Variants in RSPO2 observed in about 807,000 individuals in gnomAD.
The protein encoded by RSPO2 is R-spondin-2.
A neutral mutation model predicts 30.9 loss-of-function variants in RSPO2; 14 were observed. The observed-to-expected ratio is 0.45, with a 90% CI of 0.30 to 0.71. The LOEUF is 0.71. RSPO2 is among the 30% of genes least tolerant of loss of function. The probability of loss-of-function intolerance (pLI) is 0.08; values close to 1 mark genes in which losing one functional copy is unlikely to be tolerated. For missense variants in RSPO2, 264 were observed against 301.9 expected (o/e 0.87, Z 0.93); for synonymous variants, 107 against 96.4 (o/e 1.11, Z -0.64).
At chr8:108,019,034 TAGA>T (rs770543366) in intron 2 of RSPO2, among the ~76,000 whole-genome samples, 2 of 152,210 alleles carry the variant, frequency 1.3e-5, no homozygotes, top group Non-Finnish European at 2.9e-5. Context: ...GCAAACTTGG[TAGA>T]AGATTATTTT....
chr8:107,922,975 A>C (rs1263692570), intron 5 of RSPO2, among the ~76,000 whole-genome samples: 2 of 152,170 alleles, frequency 1.3e-5, no homozygotes, highest in Admixed American at 1.3e-4. Flanking sequence ...AACTGCAAAA[A>C]CCCTGGAAGA....
chr8:108,019,823 A>G (rs1667238821), intron 2 of RSPO2, among the ~76,000 whole-genome samples: 1 of 152,120 alleles, frequency 6.6e-6, no homozygotes, highest in Non-Finnish European at 1.5e-5. Flanking sequence ...TTTTTTCCAA[A>G]TGTTCTTTAA....
chr8:107,903,345 T>A (rs1044329174), intron 5 of RSPO2, among the ~76,000 whole-genome samples: 3 of 152,116 alleles, frequency 2.0e-5, no homozygotes, highest in Non-Finnish European at 2.9e-5. Context: ...CTTTTCACAT[T>A]CACAAGAAAG....
chr8:107,953,705 T>G (rs1441034158), intron 5 of RSPO2, among the ~76,000 whole-genome samples: 3 of 152,178 alleles, frequency 2.0e-5, no homozygotes, highest in Non-Finnish European at 4.4e-5. Flanking sequence ...TAGTAACTTG[T>G]TAGGTATCAC....
At chr8:107,953,280 G>A (rs1455972806) in intron 5 of RSPO2, among the ~76,000 whole-genome samples, 1 of 152,162 alleles carries the variant, frequency 6.6e-6, no homozygotes, top group East Asian at 1.9e-4. Flanking sequence ...GTCTCCTCTA[G>A]AGGGCTGGCT....
At chr8:108,066,846 C>T (rs900959626) in intron 2 of RSPO2, among the ~76,000 whole-genome samples, 2 of 152,052 alleles carry the variant, frequency 1.3e-5, no homozygotes, top group African/African-American at 4.8e-5. Context: ...GGGCTGGTAC[C>T]ACATGAACCC....
At chr8:108,044,224 G>C (rs192856030) in intron 2 of RSPO2, among the ~76,000 whole-genome samples, 1 of 152,050 alleles carries the variant, frequency 6.6e-6, no homozygotes, top group Admixed American at 6.6e-5. Flanking sequence ...CTTTTCTGGG[G>C]AGAGGTTTTG....
At chr8:108,034,458 T>A (rs1371104248) in intron 2 of RSPO2, among the ~76,000 whole-genome samples, 1 of 152,188 alleles carries the variant, frequency 6.6e-6, no homozygotes, top group Non-Finnish European at 1.5e-5. Context: ...GAAGGAAGTA[T>A]GTTAGGATAA....
chr8:107,935,936 TATC>T (rs1812710680), intron 5 of RSPO2, among the ~76,000 whole-genome samples: 1 of 152,208 alleles, frequency 6.6e-6, no homozygotes, highest in Non-Finnish European at 1.5e-5. Flanking sequence ...CTTGAGTATT[TATC>T]ATTTCTATGC....
Position 107,958,070 on chromosome 8 carries a change from C to T in RSPO2, c.616+10G>A, listed in dbSNP as rs747315131. The T allele has an allele frequency of 1.3e-5, 21 of 1,604,046 alleles. No individual in the cohort carries two copies. In the East Asian group the frequency reaches 4.7e-4, roughly 36 times the overall value. The stretch of plus-strand genomic sequence containing the variant: ...ACACAGCACACAGTAGTGATTATAT[C>T]CACACCTACCTCCTGGACAATGCCT... On this transcript the variant is annotated intron_variant, in intron 5 of 5. Transcript: ENST00000276659.
intron 5 of RSPO2, 128 bp downstream of exon 5, chr8:107,957,950 CTT>C: frequency 1.9e-5 from 12 of 627,176 alleles, no homozygotes; most frequent in Non-Finnish European, 3.0e-5. Context: ...TACAACAAAA[CTT>C]TATCCCCTCA....
chr8:108,040,303 C>T (rs1811714450), intron 2 of RSPO2, among the ~76,000 whole-genome samples: 2 of 152,058 alleles, frequency 1.3e-5, no homozygotes, highest in Admixed American at 6.6e-5. Flanking sequence ...TATTGAAAAT[C>T]CCTTTTTTAA....
intron 5 of RSPO2, among the ~76,000 whole-genome samples, chr8:107,941,737 G>A (rs1448655785): frequency 2.0e-5 from 3 of 152,186 alleles, no homozygotes; most frequent in Non-Finnish European, 4.4e-5. Flanking sequence ...CTTGGTAATG[G>A]TGTAATTCTG....
At chr8:108,082,304 T>C (rs1813225024) in intron 2 of RSPO2, among the ~76,000 whole-genome samples, 1 of 152,188 alleles carries the variant, frequency 6.6e-6, no homozygotes, top group Admixed American at 6.5e-5. Flanking sequence ...GAGCGCCCGA[T>C]TGGCGCCCGG....
At chr8:107,992,085 A>T (rs1190626554) in intron 2 of RSPO2, among the ~76,000 whole-genome samples, 1 of 151,998 alleles carries the variant, frequency 6.6e-6, no homozygotes, top group Non-Finnish European at 1.5e-5. Flanking sequence ...ACATACACAC[A>T]TATGTTCATT....
At chr8:107,941,133 G>A (rs921440185) in intron 5 of RSPO2, among the ~76,000 whole-genome samples, 7 of 151,802 alleles carry the variant, frequency 4.6e-5, no homozygotes, top group African/African-American at 1.5e-4. Context: ...TCAGGCTGGT[G>A]GATTGGCGTG....
At chr8:108,072,892 A>T (rs1030457045) in intron 2 of RSPO2, 1 of 152,244 alleles carries the variant, frequency 6.6e-6, no homozygotes, top group Admixed American at 6.5e-5. Flanking sequence ...ATTAATTTGC[A>T]GTCATTTGGG....
intron 2 of RSPO2, among the ~76,000 whole-genome samples, chr8:108,004,134 A>G (rs1815372185): frequency 6.6e-6 from 1 of 152,226 alleles, no homozygotes; most frequent in Non-Finnish European, 1.5e-5. Flanking sequence ...CACCCACAAA[A>G]ACACTTCAGA....
intron 2 of RSPO2, among the ~76,000 whole-genome samples, chr8:108,029,647 C>T (rs934462713): frequency 2.8e-4 from 43 of 152,114 alleles, no homozygotes; most frequent in African/African-American, 9.9e-4. Flanking sequence ...TCACAGCATT[C>T]CCAAGAAGAA....
Sources: gnomAD v4.1 joint callset for allele counts (sites outside exome capture counted in the v4.1 genomes callset) on GRCh38, gnomAD v4.1.1 for gene constraint, MANE v1.5 for transcripts, NCBI Gene and HGNC (gene_info 2026-07-23, HGNC 2026-07-21) for gene names.